Variants in TBC1D22B observed in about 807,000 individuals in gnomAD.
TBC1D22B encodes TBC1 domain family member 22B, also known as chromosome 6 open reading frame 197.
In TBC1D22B, 32 loss-of-function variants were observed where a neutral mutation model predicts 69.1. That is an observed-to-expected ratio of 0.46 (90% CI 0.35 to 0.62). TBC1D22B has a LOEUF of 0.62. TBC1D22B is among the 20% of genes least tolerant of loss of function. The pLI is 0.00. For missense variants in TBC1D22B, 462 were observed against 630.9 expected (o/e 0.73, Z 2.87); for synonymous variants, 206 against 229.8 (o/e 0.90, Z 0.94).
intron 12 of TBC1D22B, among the ~76,000 whole-genome samples, chr6:37,330,070 C>G (rs188772364): frequency 1.4e-4 from 22 of 152,248 alleles, no homozygotes; most frequent in African/African-American, 5.1e-4. Context: ...GTGTGAGTGG[C>G]CACTGGCATT....
At chr6:37,291,686 T>G (rs1387814324) in intron 8 of TBC1D22B, among the ~76,000 whole-genome samples, 2 of 152,214 alleles carry the variant, frequency 1.3e-5, no homozygotes, top group Non-Finnish European at 2.9e-5. Context: ...TAAACTGGAA[T>G]TTTAGATTGG....
At chr6:37,310,938 G>A (rs1021779249) in intron 8 of TBC1D22B, among the ~76,000 whole-genome samples, 1 of 152,164 alleles carries the variant, frequency 6.6e-6, no homozygotes. Context: ...AATAAATACT[G>A]TAAACCTTGA....
chr6:37,282,810 G>T, intron 4 of TBC1D22B, 72 bp from the exon 5 acceptor site: 1 of 1,399,444 alleles, frequency 7.1e-7, no homozygotes, highest in Non-Finnish European at 1.0e-6. Context: ...GAGACATCAG[G>T]CAGTGCTGGT....
chr6:37,286,979 GT>G, intron 6 of TBC1D22B, 27 bp from the exon 7 acceptor site: 1 of 1,583,616 alleles, frequency 6.3e-7, no homozygotes, highest in Non-Finnish European at 8.5e-7. Context: ...TGGCATTTGT[GT>G]TTTTGGACAT....
chr6:37,293,077 TATTA>T (rs1370405285), intron 8 of TBC1D22B, among the ~76,000 whole-genome samples: 1 of 150,902 alleles, frequency 6.6e-6, no homozygotes, highest in African/African-American at 2.5e-5. Flanking sequence ...TTATTATTAT[TATTA>T]TTATTTTTTT....
chr6:37,313,367 A>G (rs1767980994), intron 9 of TBC1D22B, among the ~76,000 whole-genome samples: 2 of 151,984 alleles, frequency 1.3e-5, no homozygotes, highest in African/African-American at 2.4e-5. Flanking sequence ...GCGTGTGCCT[A>G]TAGTACCAGG....
chr6:37,298,415 G>A (rs1388555106), intron 8 of TBC1D22B, among the ~76,000 whole-genome samples: 4 of 151,844 alleles, frequency 2.6e-5, no homozygotes, highest in African/African-American at 4.8e-5. Flanking sequence ...ATATCATATA[G>A]CAAGCTTTCA....
intron 12 of TBC1D22B, among the ~76,000 whole-genome samples, chr6:37,321,987 G>A (rs999249552): frequency 1.3e-5 from 2 of 152,214 alleles, no homozygotes; most frequent in Non-Finnish European, 2.9e-5. Context: ...GTAAATGGTG[G>A]AGACAATGTA....
chr6:37,303,641 T>C (rs1300756362), intron 8 of TBC1D22B, among the ~76,000 whole-genome samples: 1 of 152,210 alleles, frequency 6.6e-6, no homozygotes, highest in Non-Finnish European at 1.5e-5. Flanking sequence ...GTCCAGGTTT[T>C]CTAACTTGGC....
chr6:37,283,967 A>T (rs73421905), intron 5 of TBC1D22B, among the ~76,000 whole-genome samples: 1 of 152,214 alleles, frequency 6.6e-6, no homozygotes, highest in Admixed American at 6.5e-5. Context: ...TCTCAGAAGT[A>T]TGGCCCTGGA....
rs377139735 is a variant in TBC1D22B at position 37,309,656 on chromosome 6, A to C, written c.983-3262A>C. Among the ~76,000 whole-genome samples, 222 of 152,254 alleles carry C rather than the reference A, an allele frequency of 1.5e-3. 1 individual carries two copies. The highest frequency in any genetic ancestry group is 5.1e-3 in the African/African-American group (211 of 41,538). ...CTCTCCTCCCTTGTGCACCGTTGTG[A>C]GGCTAGTCCTGGAGAAGAGTCTGCC... On this transcript the variant is annotated intron_variant, in intron 8 of 12. Transcript: ENST00000373491.
intron 12 of TBC1D22B, among the ~76,000 whole-genome samples, chr6:37,327,288 C>A (rs972466907): frequency 9.5e-6 from 1 of 105,668 alleles, no homozygotes; most frequent in Non-Finnish European, 1.8e-5. Context: ...ACCATCCTGG[C>A]TAACACGGTG....
chr6:37,265,211 G>A (rs995124922), intron 1 of TBC1D22B, among the ~76,000 whole-genome samples: 1 of 152,180 alleles, frequency 6.6e-6, no homozygotes, highest in South Asian at 2.1e-4. Flanking sequence ...AGCACCTTGG[G>A]CTGACAGCTT....
In TBC1D22B at chr6:37,288,589, G is replaced by T. The variant is rs116799335; in HGVS notation, c.867+1517G>T. Among the ~76,000 whole-genome samples, 554 of 152,112 alleles carry T rather than the reference G, an allele frequency of 3.6e-3. 4 individuals carry two copies. The highest frequency in any genetic ancestry group is 0.012 in the African/African-American group (514 of 41,506). On this transcript the variant is annotated intron_variant, in intron 7 of 12. Transcript: ENST00000373491. ...CTGTCTCAAAAAAATTACAGAATTAGCCAGGCATGGTGGTGTGTGCCTGTG... is the reference window on the plus strand; with the variant it reads ...CTGTCTCAAAAAAATTACAGAATTATCCAGGCATGGTGGTGTGTGCCTGTG...
intron 8 of TBC1D22B, among the ~76,000 whole-genome samples, chr6:37,296,505 C>T (rs991214332): frequency 2.0e-5 from 3 of 152,082 alleles, no homozygotes; most frequent in African/African-American, 7.2e-5. Flanking sequence ...AGTGCCATCA[C>T]ATTTGGCTAA....
At position 37,279,297 on chromosome 6, in the gene TBC1D22B, C is replaced by T. The variant is rs200579750; in HGVS notation, c.114-7C>T. The T allele has an allele frequency of 3.7e-4, 589 of 1,588,446 alleles. 1 individual carries two copies. In the African/African-American group the frequency reaches 6.7e-3, roughly 18 times the overall value. ...ATTCCTTGGTAATCGTGTCTCCTTT[C>T]TTGAAGTTTCATTAAAGAACGATCA... On this transcript the variant is annotated splice_polypyrimidine_tract_variant and splice_region_variant and intron_variant, in intron 2 of 12. Coordinates refer to ENST00000373491, the MANE Select transcript of TBC1D22B (RefSeq NM_017772.4).
intron 7 of TBC1D22B, among the ~76,000 whole-genome samples, chr6:37,290,275 A>G (rs1426210688): frequency 1.3e-5 from 2 of 152,068 alleles, no homozygotes; most frequent in Non-Finnish European, 2.9e-5. Flanking sequence ...ATCTGCATGT[A>G]CTCACATCAC....
At chr6:37,269,169 C>A (rs1040708683) in intron 1 of TBC1D22B, among the ~76,000 whole-genome samples, 1 of 152,146 alleles carries the variant, frequency 6.6e-6, no homozygotes, top group African/African-American at 2.4e-5. Context: ...TTAGGTCACC[C>A]TTCACTGTCT....
At position 37,284,021 on chromosome 6, in the gene TBC1D22B, C is replaced by T. The variant is rs1263008345; in HGVS notation, c.673-315C>T. On this transcript the variant is annotated intron_variant, in intron 5 of 12. Coordinates refer to ENST00000373491, the MANE Select transcript of TBC1D22B (RefSeq NM_017772.4). ...GCCATGACTTGGGTCCAGCTCCCTC[C>T]CACTGACCTACATTCACTGCTGTAC... Among the ~76,000 whole-genome samples, 2 of 152,214 alleles carry T rather than the reference C, an allele frequency of 1.3e-5. 1 individual carries two copies. The highest frequency in any genetic ancestry group is 4.8e-5 in the African/African-American group (2 of 41,462).
Sources: gnomAD v4.1 joint callset for allele counts (sites outside exome capture counted in the v4.1 genomes callset) on GRCh38, gnomAD v4.1.1 for gene constraint, MANE v1.5 for transcripts, NCBI Gene and HGNC (gene_info 2026-07-23, HGNC 2026-07-21) for gene names.